ENOX2: variants seen among roughly 807,000 people sequenced by gnomAD.
ENOX2 encodes the protein APK1 antigen.
A neutral mutation model predicts 45.0 loss-of-function variants in ENOX2; 36 were observed. The ratio of observed to expected loss-of-function variants is 0.80; its 90% CI spans 0.61 to 1.06. The LOEUF (loss-of-function observed/expected upper bound fraction) is 1.06, where lower values mean the gene tolerates loss of function less well. Ranked by LOEUF, ENOX2 falls within the 50% of genes least tolerant of loss-of-function variation. The pLI, the probability that ENOX2 is intolerant of heterozygous loss-of-function variation, is 0.00. For synonymous variants in ENOX2, 174 were observed against 152.3 expected (o/e 1.14, Z -1.05); for missense variants, 423 against 462.5 (o/e 0.91, Z 0.78).
chrX:130,701,366 T>G (rs1351518543), intron 4 of ENOX2, among the ~76,000 whole-genome samples: 1 of 110,608 alleles, frequency 9.0e-6, no homozygotes, highest in African/African-American at 3.3e-5. Context: ...CAATATATAT[T>G]TCATATAAAT....
At chrX:130,625,837 T>C (rs1233576687) in intron 14 of ENOX2, among the ~76,000 whole-genome samples, 1 of 110,428 alleles carries the variant, frequency 9.1e-6, no homozygotes, top group Non-Finnish European at 1.9e-5. Flanking sequence ...ACAAATGCGT[T>C]AGTTCATAAT....
At chrX:130,762,965 T>C (rs1321878033) in intron 3 of ENOX2, among the ~76,000 whole-genome samples, 2 of 111,782 alleles carry the variant, frequency 1.8e-5, no homozygotes, top group Non-Finnish European at 3.8e-5. Flanking sequence ...AATCCTCCTT[T>C]CAGTTATATC....
chrX:130,730,659 A>C (rs1031395094), intron 3 of ENOX2, among the ~76,000 whole-genome samples: 1 of 110,368 alleles, frequency 9.1e-6, no homozygotes, highest in Non-Finnish European at 1.9e-5. Context: ...GCTTGCTTTT[A>C]TACATTTTAG....
At position 130,634,981 on chromosome X, in the gene ENOX2, T is replaced by C; in HGVS notation, c.1419+3A>G. 1 of 1,076,979 alleles carries C rather than the reference T, an allele frequency of 9.3e-7. No individual in the cohort carries two copies. Among genetic ancestry groups the C allele is most frequent in the Non-Finnish European group, 1.3e-6 (1 of 776,790 alleles). The allele number at this position is 1,076,979 out of a possible 1,213,427, so 88.8% of individuals were successfully genotyped here. On this transcript the variant is annotated splice_donor_region_variant and intron_variant, in intron 12 of 14. Transcript: ENST00000394363. ...GAAAAAGGTTCACTTAGGGTGCATG[T>C]ACCTTTTCTTTAAGATTTTCCAACA...
intron 3 of ENOX2, among the ~76,000 whole-genome samples, chrX:130,731,425 A>G (rs948998419): frequency 7.1e-5 from 8 of 112,003 alleles, no homozygotes; most frequent in Non-Finnish European, 1.3e-4. Flanking sequence ...GAGCCATACA[A>G]ATAGTCTCAA....
chrX:130,779,090 A>G (rs765955078), intron 3 of ENOX2, among the ~76,000 whole-genome samples: 2 of 112,680 alleles, frequency 1.8e-5, no homozygotes, highest in Non-Finnish European at 3.8e-5. Flanking sequence ...GATGGCTCTC[A>G]AACCAGGAGG....
intron 6 of ENOX2, among the ~76,000 whole-genome samples, chrX:130,678,400 C>T (rs1336966642): frequency 1.8e-5 from 2 of 111,007 alleles, no homozygotes; most frequent in Non-Finnish European, 3.8e-5. Context: ...CCTCCAGTGG[C>T]TTCCAGAATA....
At chrX:130,788,470 C>G (rs985134554) in intron 2 of ENOX2, among the ~76,000 whole-genome samples, 1 of 111,720 alleles carries the variant, frequency 9.0e-6, no homozygotes, top group Non-Finnish European at 1.9e-5. Context: ...GCCTGGGACT[C>G]ATTCCTTGCT....
At chrX:130,825,623 A>G (rs758718472) in intron 2 of ENOX2, among the ~76,000 whole-genome samples, 4 of 112,063 alleles carry the variant, frequency 3.6e-5, no homozygotes, top group East Asian at 2.8e-4. Flanking sequence ...AATTCCAGAA[A>G]TAAACAATTC....
At chrX:130,816,481 C>T (rs2077487265) in intron 2 of ENOX2, among the ~76,000 whole-genome samples, 2 of 111,957 alleles carry the variant, frequency 1.8e-5, no homozygotes, top group South Asian at 7.4e-4. Flanking sequence ...CTCAGCACCA[C>T]ATCATACTTA....
At chrX:130,752,063 C>A (rs2039234497) in intron 3 of ENOX2, among the ~76,000 whole-genome samples, 1 of 111,675 alleles carries the variant, frequency 9.0e-6, no homozygotes, top group African/African-American at 3.2e-5. Flanking sequence ...TACACTGCCT[C>A]TTTCTGACTA....
At chrX:130,727,454 G>A (rs1032674885) in intron 3 of ENOX2, among the ~76,000 whole-genome samples, 1 of 112,177 alleles carries the variant, frequency 8.9e-6, no homozygotes, top group Non-Finnish European at 1.9e-5. Context: ...AAGGTTCAAC[G>A]TGATTAAGCA....
At chrX:130,672,247 G>C (rs760669269) in intron 6 of ENOX2, among the ~76,000 whole-genome samples, 10 of 111,732 alleles carry the variant, frequency 8.9e-5, no homozygotes, top group Non-Finnish European at 1.5e-4. Flanking sequence ...TGAAACTGGG[G>C]GCTCCCAGCA....
chrX:130,712,350 G>A (rs5977355), intron 3 of ENOX2, among the ~76,000 whole-genome samples: 1,422 of 111,575 alleles, frequency 0.013, 22 homozygotes, highest in African/African-American at 0.044. Flanking sequence ...CTCTAAAATA[G>A]TAATTGATCA....
intron 2 of ENOX2, among the ~76,000 whole-genome samples, chrX:130,791,928 C>CTATGTACA (rs1363517140): frequency 8.0e-5 from 9 of 112,371 alleles, no homozygotes; most frequent in African/African-American, 2.9e-4. Context: ...GTTAATCGTT[C>CTATGTACA]TATGTACATC....
intron 3 of ENOX2, among the ~76,000 whole-genome samples, chrX:130,774,275 G>A (rs1229105985): frequency 2.7e-5 from 3 of 111,751 alleles, no homozygotes; most frequent in Non-Finnish European, 5.6e-5. Flanking sequence ...GCTGCATATT[G>A]GAATCCTCTG....
intron 2 of ENOX2, among the ~76,000 whole-genome samples, chrX:130,828,247 G>T (rs892435116): frequency 9.0e-6 from 1 of 111,722 alleles, no homozygotes; most frequent in Non-Finnish European, 1.9e-5. Flanking sequence ...TTTAGCTTCT[G>T]GGTTCAAATT....
chrX:130,712,959 T>C (rs765214712), intron 3 of ENOX2, among the ~76,000 whole-genome samples: 49 of 112,228 alleles, frequency 4.4e-4, no homozygotes, highest in African/African-American at 1.3e-3. Flanking sequence ...ACTAACAGTA[T>C]TATACAATAT....
chrX:130,646,064 C>G, intron 10 of ENOX2: 2 of 554,401 alleles, frequency 3.6e-6, no homozygotes, highest in South Asian at 2.3e-5. Context: ...CAAAGCAGTA[C>G]TGCTGCGATG....
Sources: allele counts gnomAD v4.1 joint callset (sites outside exome capture counted in the v4.1 genomes callset), GRCh38; gene constraint gnomAD v4.1.1; transcripts MANE v1.5; gene names NCBI Gene and HGNC (gene_info 2026-07-23, HGNC 2026-07-21).